SMG6: variants seen among roughly 807,000 people sequenced by gnomAD.
SMG6 encodes SMG6 nonsense mediated mRNA decay factor.
In SMG6, 66 loss-of-function variants were observed where a neutral mutation model predicts 142.2. The ratio of observed to expected loss-of-function variants is 0.46; its 90% confidence interval spans 0.38 to 0.57. The LOEUF is 0.57. Ranked by LOEUF, SMG6 falls within the 20% of genes least tolerant of loss-of-function variation. The pLI is 0.00. For synonymous variants in SMG6, 779 were observed against 702.4 expected (o/e 1.11, Z -1.72); for missense variants, 1,793 against 1,832.0 (o/e 0.98, Z 0.39).
intron 13 of SMG6, among the ~76,000 whole-genome samples, chr17:2,143,768 TA>T (rs1168729061): frequency 6.6e-6 from 1 of 152,210 alleles, no homozygotes; most frequent in Non-Finnish European, 1.5e-5. Context: ...AAAAGGGTAT[TA>T]AAACATCTTC....
rs188660329 is a variant in SMG6 at position 2,090,749 on chromosome 17, C to G, written c.3358-4848G>C. Among the ~76,000 whole-genome samples the G allele has an allele frequency of 1.1e-3, 175 of 152,340 alleles. 1 individual carries two copies. Among genetic ancestry groups the G allele is most frequent in the African/African-American group, 4.0e-3 (166 of 41,578 alleles). Reference sequence around the variant, plus strand: ...GAGAACAATCACACGGGTTTCCCCCCACAAACTCAAGTTTACAGGTTGTTT... The same window carrying G: ...GAGAACAATCACACGGGTTTCCCCCGACAAACTCAAGTTTACAGGTTGTTT... On this transcript the variant is annotated intron_variant, in intron 13 of 18. Coordinates refer to ENST00000263073, the MANE Select transcript of SMG6 (RefSeq NM_017575.5).
chr17:2,245,318 T>C (rs2073903911), intron 8 of SMG6, among the ~76,000 whole-genome samples: 1 of 152,220 alleles, frequency 6.6e-6, no homozygotes, highest in African/African-American at 2.4e-5. Context: ...TAGCAAGCTA[T>C]GACTATTCCA....
intron 13 of SMG6, among the ~76,000 whole-genome samples, chr17:2,166,731 T>C (rs2071348942): frequency 6.6e-6 from 1 of 152,238 alleles, no homozygotes; most frequent in Non-Finnish European, 1.5e-5. Context: ...AGTGCTGGGA[T>C]GACAGGCATG....
At chr17:2,087,379 C>A in intron 13 of SMG6, 1 of 1,191,508 alleles carries the variant, frequency 8.4e-7, no homozygotes, top group Non-Finnish European at 1.1e-6. Context: ...CAACTGTGTG[C>A]TCTGTGGCTG....
intron 6 of SMG6, among the ~76,000 whole-genome samples, chr17:2,291,008 G>A (rs1432634246): frequency 6.6e-6 from 1 of 152,162 alleles, no homozygotes; most frequent in South Asian, 2.1e-4. Flanking sequence ...GAAAGCGTAA[G>A]TATCAGGTCT....
chr17:2,164,261 A>G (rs1342570207), intron 13 of SMG6, among the ~76,000 whole-genome samples: 2 of 150,926 alleles, frequency 1.3e-5, no homozygotes, highest in Non-Finnish European at 3.0e-5. Flanking sequence ...CATCTCTACT[A>G]AAAATACAAA....
Position 2,071,506 on chromosome 17 carries a change from G to A in SMG6, c.3682-2575C>T, listed in dbSNP as rs1223229116. Among the ~76,000 whole-genome samples, 1 of 152,230 alleles carries A rather than the reference G, an allele frequency of 6.6e-6. No individual in the cohort carries two copies. Among genetic ancestry groups the A allele is most frequent in the African/African-American group, 2.4e-5 (1 of 41,450 alleles). On this transcript the variant is annotated intron_variant, in intron 15 of 18. Transcript: ENST00000263073. This position sits in a 1 kb window ranked among gnomAD's most constrained non-coding sequence, Gnocchi z 5.6. Reference sequence around the variant, plus strand: ...CAGCTAGAAAGGTGAATAGGCCGCAGCCTTTCAGAGGGGGCTTCCCTGGGT... The same window carrying A: ...CAGCTAGAAAGGTGAATAGGCCGCAACCTTTCAGAGGGGGCTTCCCTGGGT...
chr17:2,172,767 T>G lies in SMG6; in HGVS notation c.3248A>C (p.Asp1083Ala). 6.2e-7 allele frequency: 1 copy of G among 1,614,142 alleles called. No individual in the cohort carries two copies. ...QSEVPLYKDP[D>A]DDLTLLILEE... ...CAGGATAAGAAGGGTGAGGTCATCA[T>G]CCGGGTCCTTGTACAGTGGCACCTC... Residue 1083 changes from aspartate to alanine, a missense_variant, in exon 13 of 19, where the codon GAT (aspartate) becomes GCT (alanine). Transcript: ENST00000263073.
intron 13 of SMG6, among the ~76,000 whole-genome samples, chr17:2,129,701 G>C (rs1308813010): frequency 6.9e-6 from 1 of 145,374 alleles, no homozygotes; most frequent in Non-Finnish European, 1.5e-5. Context: ...GGCTGAGACA[G>C]GAGAATCGCT....
intron 13 of SMG6, chr17:2,087,693 T>G: frequency 1.0e-6 from 1 of 987,678 alleles, no homozygotes; most frequent in Non-Finnish European, 1.2e-6. Flanking sequence ...TTCAAACATG[T>G]GATGAGGAAG....
Position 2,188,478 on chromosome 17 carries a change from T to C in SMG6, c.2907A>G (p.Glu969=), listed in dbSNP as rs764189966. The C allele has an allele frequency of 1.2e-6, 2 of 1,613,990 alleles. No individual in the cohort carries two copies. The highest frequency in any genetic ancestry group is 1.7e-6 in the Non-Finnish European group (2 of 1,179,966). The part of the protein sequence containing the change: ...FSEECRSVIQ[E]QAAALGLAMF... ...TGGCCAAGCCCAGAGCTGCGGCTTG[T>C]TCCTGGATCACAGAGCGGCACTCCT... Residue 969 remains glutamate, a synonymous_variant, in exon 11 of 19, where the codon GAA becomes GAG. Coordinates refer to ENST00000263073, the MANE Select transcript of SMG6 (RefSeq NM_017575.5).
chr17:2,171,147 G>C (rs1284565397), intron 13 of SMG6, among the ~76,000 whole-genome samples: 4 of 152,010 alleles, frequency 2.6e-5, no homozygotes, highest in Non-Finnish European at 5.9e-5. Flanking sequence ...GAAGGTGGGT[G>C]CCTGTAGTCC....
rs1190343814 is a variant in SMG6 at position 2,162,397 on chromosome 17, C to CCAGCTACTCG, written c.3357+10251_3357+10260dup. On this transcript the variant is annotated intron_variant, in intron 13 of 18. Transcript: ENST00000263073. ...GGCGTGGTGGTGGGCGCCTATAGTC[C>CCAGCTACTCG]CAGCTACTCGGGAGGCTGAGGCAGG... is the stretch of plus-strand genomic sequence containing the variant. 1.1e-4 allele frequency among the ~76,000 whole-genome samples: 17 copies of CCAGCTACTCG among 151,662 alleles called. No individual in the cohort carries two copies. The East Asian group carries it at 3.3e-3, about 29-fold the overall frequency.
chr17:2,292,832 A>C, intron 5 of SMG6, 39 bp downstream of exon 5: 1 of 1,567,580 alleles, frequency 6.4e-7, no homozygotes, highest in Non-Finnish European at 8.8e-7. Context: ...GCTTAGAGCC[A>C]CATAGGGAAG....
intron 8 of SMG6, among the ~76,000 whole-genome samples, chr17:2,266,652 C>T (rs993671084): frequency 6.6e-5 from 10 of 152,166 alleles, no homozygotes; most frequent in Non-Finnish European, 1.2e-4. Flanking sequence ...GAGAACTCTG[C>T]TCTGTTAGAG....
intron 13 of SMG6, among the ~76,000 whole-genome samples, chr17:2,149,165 C>A (rs2070752838): frequency 6.6e-6 from 1 of 151,934 alleles, no homozygotes; most frequent in Non-Finnish European, 1.5e-5. Context: ...GCCTGGCCAA[C>A]ATGGCGAAAC....
At chr17:2,120,244 G>T (rs952690523) in intron 13 of SMG6, among the ~76,000 whole-genome samples, 11 of 152,276 alleles carry the variant, frequency 7.2e-5, no homozygotes, top group African/African-American at 2.4e-4. Context: ...CTTATCAAAA[G>T]ATATTAAGAA....
At chr17:2,291,921 G>A (rs927542028) in intron 6 of SMG6, among the ~76,000 whole-genome samples, 8 of 149,480 alleles carry the variant, frequency 5.4e-5, no homozygotes, top group Middle Eastern at 3.5e-3. Context: ...TGTTTCTTAC[G>A]ATGGAACCTC....
intron 13 of SMG6, among the ~76,000 whole-genome samples, chr17:2,122,724 G>T (rs1464735167): frequency 2.7e-4 from 41 of 152,130 alleles, no homozygotes; most frequent in Non-Finnish European, 3.1e-4. Flanking sequence ...CCATATACTG[G>T]CTTAAAACCT....
Sources: allele counts gnomAD v4.1 joint callset (sites outside exome capture counted in the v4.1 genomes callset), GRCh38; gene constraint gnomAD v4.1.1; non-coding constraint Gnocchi (gnomAD v3.1); transcripts MANE v1.5; gene names NCBI Gene and HGNC (gene_info 2026-07-23, HGNC 2026-07-21).